Variants in LEKR1 observed in about 807,000 individuals in gnomAD.
The protein encoded by LEKR1 is protein LEKR1.
Under a neutral mutation model 72.4 loss-of-function variants are expected in LEKR1, and 59 were observed. The observed-to-expected ratio is 0.82, with a 90% CI of 0.66 to 1.01. LEKR1 has a LOEUF of 1.01. Ranked by LOEUF, LEKR1 falls within the 50% of genes least tolerant of loss-of-function variation. LEKR1 has a pLI of 0.00. For missense variants in LEKR1, 728 were observed against 759.2 expected, an observed-to-expected ratio of 0.96 and a Z score of 0.48; for synonymous variants, 257 against 263.2, an observed-to-expected ratio of 0.98 and a Z score of 0.23.
chr3:156,856,915 T>A (rs1716129175), intron 3 of LEKR1, among the ~76,000 whole-genome samples: 1 of 152,088 alleles, frequency 6.6e-6, no homozygotes, highest in African/African-American at 2.4e-5. Context: ...CTTTTTCTTG[T>A]CTTATTAAAT....
At chr3:156,870,803 G>A (rs1162889075) in intron 3 of LEKR1, among the ~76,000 whole-genome samples, 6 of 152,064 alleles carry the variant, frequency 3.9e-5, no homozygotes, top group African/African-American at 1.4e-4. Context: ...AATGATGTTA[G>A]CTGTGAGTTT....
At chr3:156,851,774 A>G (rs1419806416) in intron 2 of LEKR1, among the ~76,000 whole-genome samples, 1 of 152,132 alleles carries the variant, frequency 6.6e-6, no homozygotes, top group Non-Finnish European at 1.5e-5. Context: ...TATAGTTTCA[A>G]GGGAGGTTAC....
chr3:157,026,776 A>G lies in LEKR1; in HGVS notation c.1369-1327A>G, dbSNP rs1734218136. Among the ~76,000 whole-genome samples the G allele has an allele frequency of 1.3e-5, 2 of 152,204 alleles. 1 individual carries two copies. The highest frequency in any genetic ancestry group is 4.1e-4 in the South Asian group (2 of 4,834). ...TTGTTGTGCTAATATTTATAACATGACAATAATTGAGCATAAGTAATAAAG... is the reference window on the plus strand; with the variant it reads ...TTGTTGTGCTAATATTTATAACATGGCAATAATTGAGCATAAGTAATAAAG... On this transcript the variant is annotated intron_variant, in intron 11 of 12. Coordinates refer to ENST00000356539, the MANE Select transcript of LEKR1 (RefSeq NM_001004316.3).
intron 6 of LEKR1, among the ~76,000 whole-genome samples, chr3:156,952,196 G>A (rs747976312): frequency 5.3e-5 from 8 of 151,412 alleles, no homozygotes; most frequent in South Asian, 2.1e-4. Flanking sequence ...TTTTCCTCTC[G>A]ACCTGGAATA....
chr3:157,004,748 A>C (rs1313939009), intron 9 of LEKR1, among the ~76,000 whole-genome samples: 2 of 152,162 alleles, frequency 1.3e-5, no homozygotes, highest in African/African-American at 2.4e-5. Flanking sequence ...ATAAAATATC[A>C]AAAGGGAAAT....
At chr3:156,979,979 A>G (rs1332523714) in intron 7 of LEKR1, 2 of 152,034 alleles carry the variant, frequency 1.3e-5, no homozygotes, top group East Asian at 3.8e-4. Flanking sequence ...ATGCCACTAC[A>G]CTCCAGCCTG....
At chr3:156,854,137 CTTTTTTT>C (rs370896609) in intron 3 of LEKR1, among the ~76,000 whole-genome samples, 2,777 of 108,126 alleles carry the variant, frequency 0.026, 31 homozygotes, top group African/African-American at 0.089. Context: ...GTAAAAATCA[CTTTTTTT>C]TTTTTTTTTT....
intron 2 of LEKR1, among the ~76,000 whole-genome samples, chr3:156,835,762 C>T (rs1003401095): frequency 1.3e-5 from 2 of 151,436 alleles, no homozygotes; most frequent in East Asian, 1.9e-4. Flanking sequence ...AAAGTTCTCT[C>T]GTAAAGCCTC....
intron 5 of LEKR1, among the ~76,000 whole-genome samples, chr3:156,932,825 T>G (rs1725366111): frequency 6.6e-6 from 1 of 151,536 alleles, no homozygotes. Flanking sequence ...GGTCAGGAGA[T>G]CGAGACCATC....
chr3:157,032,495 CCA>C (rs1293320792), intron 12 of LEKR1, among the ~76,000 whole-genome samples: 1 of 152,102 alleles, frequency 6.6e-6, no homozygotes, highest in Non-Finnish European at 1.5e-5. Context: ...CATTCCATTG[CCA>C]CTAAAATGGC....
At chr3:156,963,353 A>G (rs542401215) in intron 6 of LEKR1, among the ~76,000 whole-genome samples, 34 of 152,304 alleles carry the variant, frequency 2.2e-4, no homozygotes, top group African/African-American at 7.9e-4. Flanking sequence ...ACTCCTCCCT[A>G]CACACACAGA....
rs372540697 is a variant in LEKR1 at position 156,842,628 on chromosome 3, T to A, written c.49-10140T>A. Among the ~76,000 whole-genome samples, 118 of 151,536 alleles carry A rather than the reference T, an allele frequency of 7.8e-4. 1 individual carries two copies. The South Asian group carries it at 0.014, about 17-fold the overall frequency. ...ATGAGCAGTAGTAGAAAAAGGAGAG[T>A]TACAAAAAATGTAAAGGTGGTAGGG... is the stretch of plus-strand genomic sequence containing the variant. On this transcript the variant is annotated intron_variant, in intron 2 of 12. Coordinates refer to ENST00000356539, the MANE Select transcript of LEKR1 (RefSeq NM_001004316.3).
chr3:156,928,060 C>G (rs187769276), intron 5 of LEKR1, among the ~76,000 whole-genome samples: 5 of 152,090 alleles, frequency 3.3e-5, no homozygotes, highest in African/African-American at 9.6e-5. Flanking sequence ...GGGCTACGTA[C>G]TATATTATTC....
chr3:156,972,418 C>A (rs1729295191), intron 6 of LEKR1, among the ~76,000 whole-genome samples: 1 of 151,978 alleles, frequency 6.6e-6, no homozygotes, highest in South Asian at 2.1e-4. Flanking sequence ...GGGTGCAGCA[C>A]ACCAACATGG....
At chr3:156,889,312 A>AC (rs397781915) in intron 3 of LEKR1, among the ~76,000 whole-genome samples, 12 of 151,034 alleles carry the variant, frequency 7.9e-5, no homozygotes, top group African/African-American at 2.7e-4. Context: ...AAAAAAAAAA[A>AC]CCCAGCAGCA....
chr3:156,836,192 T>C (rs1055629429), intron 2 of LEKR1, among the ~76,000 whole-genome samples: 4 of 152,150 alleles, frequency 2.6e-5, no homozygotes, highest in Non-Finnish European at 5.9e-5. Flanking sequence ...TAATTTCTGA[T>C]ATCCTCAAAA....
At chr3:156,887,454 A>G (rs1720224053) in intron 3 of LEKR1, among the ~76,000 whole-genome samples, 1 of 151,734 alleles carries the variant, frequency 6.6e-6, no homozygotes, top group African/African-American at 2.4e-5. Context: ...TTTTTTCAGG[A>G]TATGTTACTT....
At chr3:156,948,692 G>A (rs1044099179) in intron 6 of LEKR1, among the ~76,000 whole-genome samples, 3 of 151,434 alleles carry the variant, frequency 2.0e-5, no homozygotes, top group Admixed American at 6.6e-5. Context: ...CCCAATTATG[G>A]GATTACTGGG....
intron 2 of LEKR1, among the ~76,000 whole-genome samples, chr3:156,840,536 T>C (rs1320675270): frequency 2.0e-5 from 3 of 152,226 alleles, no homozygotes; most frequent in Non-Finnish European, 2.9e-5. Context: ...TAAATCTAGT[T>C]AACTCTTAAT....
Sources: gnomAD v4.1 joint callset for allele counts (sites outside exome capture counted in the v4.1 genomes callset) on GRCh38, gnomAD v4.1.1 for gene constraint, MANE v1.5 for transcripts, NCBI Gene and HGNC (gene_info 2026-07-23, HGNC 2026-07-21) for gene names.